Variants in PXDNL observed in about 807,000 individuals in gnomAD.
PXDNL encodes the protein probable oxidoreductase PXDNL.
In PXDNL, 145 loss-of-function variants were observed where a neutral mutation model predicts 150.8. The observed-to-expected ratio is 0.96, with a 90% CI of 0.84 to 1.10. The LOEUF (loss-of-function observed/expected upper bound fraction) is 1.10. Ranked by LOEUF, PXDNL falls within the 50% of genes least tolerant of loss-of-function variation. The probability of loss-of-function intolerance (pLI) is 0.00; values close to 1 mark genes in which losing one functional copy is unlikely to be tolerated. For synonymous variants in PXDNL, 757 were observed against 725.7 expected (o/e 1.04, Z -0.69); for missense variants, 2,087 against 1,873.9 (o/e 1.11, Z -2.10).
chr8:51,366,903 C>A (rs1186363432), intron 19 of PXDNL, among the ~76,000 whole-genome samples: 2 of 151,864 alleles, frequency 1.3e-5, no homozygotes, highest in Non-Finnish European at 2.9e-5. Flanking sequence ...GAGTTCAAGA[C>A]CATCCTGGTC....
At chr8:51,693,669 C>T (rs1816050938) in intron 1 of PXDNL, among the ~76,000 whole-genome samples, 1 of 152,096 alleles carries the variant, frequency 6.6e-6, no homozygotes, top group African/African-American at 2.4e-5. Context: ...ACTTGGGAGG[C>T]TGAGGTGAAA....
intron 1 of PXDNL, among the ~76,000 whole-genome samples, chr8:51,716,574 T>C (rs1290451897): frequency 6.6e-6 from 1 of 152,246 alleles, no homozygotes; most frequent in Non-Finnish European, 1.5e-5. Context: ...CTGTGAGTGA[T>C]AAAAGACATT....
chr8:51,328,266 C>T (rs1805580205), intron 21 of PXDNL, among the ~76,000 whole-genome samples: 1 of 152,214 alleles, frequency 6.6e-6, no homozygotes, highest in Non-Finnish European at 1.5e-5. Flanking sequence ...ATACACATAT[C>T]AGATGGACAG....
At chr8:51,601,604 G>C (rs1322881636) in intron 2 of PXDNL, among the ~76,000 whole-genome samples, 2 of 151,920 alleles carry the variant, frequency 1.3e-5, no homozygotes, top group Non-Finnish European at 2.9e-5. Context: ...GAGCCTATCG[G>C]TGTCATCATG....
At chr8:51,772,235 T>G (rs546085894) in intron 1 of PXDNL, among the ~76,000 whole-genome samples, 1 of 107,178 alleles carries the variant, frequency 9.3e-6, no homozygotes, top group Non-Finnish European at 2.0e-5. Flanking sequence ...TCTCTCTCTA[T>G]ATACACACAC....
chr8:51,628,865 A>T (rs961242872), intron 2 of PXDNL, among the ~76,000 whole-genome samples: 2 of 152,136 alleles, frequency 1.3e-5, no homozygotes, highest in African/African-American at 2.4e-5. Flanking sequence ...AACAGCAAAC[A>T]GCTACAGACC....
intron 18 of PXDNL, among the ~76,000 whole-genome samples, chr8:51,372,446 A>G: frequency 6.6e-6 from 1 of 152,176 alleles, no homozygotes; most frequent in African/African-American, 2.4e-5. Context: ...GTGCAGTGGC[A>G]TGATCTCAGC....
chr8:51,678,005 A>G (rs1169781704), intron 1 of PXDNL, among the ~76,000 whole-genome samples: 1 of 152,204 alleles, frequency 6.6e-6, no homozygotes, highest in Non-Finnish European at 1.5e-5. Flanking sequence ...GCTTAAAATC[A>G]CATAACTAAG....
intron 21 of PXDNL, among the ~76,000 whole-genome samples, chr8:51,328,323 T>C (rs1326910793): frequency 3.9e-5 from 6 of 152,256 alleles, no homozygotes; most frequent in African/African-American, 7.2e-5. Context: ...CTCTGACTAA[T>C]GCAAACTCTT....
chr8:51,705,230 C>T (rs1816352739), intron 1 of PXDNL, among the ~76,000 whole-genome samples: 1 of 152,122 alleles, frequency 6.6e-6, no homozygotes, highest in African/African-American at 2.4e-5. Context: ...GACCTCTGCC[C>T]CAGGACTCAG....
intron 4 of PXDNL, among the ~76,000 whole-genome samples, chr8:51,541,064 C>T (rs931890390): frequency 6.6e-5 from 10 of 151,824 alleles, no homozygotes; most frequent in African/African-American, 2.4e-4. Flanking sequence ...TCGAGACCAG[C>T]CTGACCAACA....
rs557887274 is a variant in PXDNL, at chr8:51,411,053, A to T, written c.2062+197T>A. ...TAACTTAAAAGTTGAGACAAGTTTGAATATATATTTATCATCCTTACTTTG... is the reference window on the plus strand; with the variant it reads ...TAACTTAAAAGTTGAGACAAGTTTGTATATATATTTATCATCCTTACTTTG... On this transcript the variant is annotated intron_variant, in intron 16 of 22. Coordinates refer to ENST00000356297, the MANE Select transcript of PXDNL (RefSeq NM_144651.5). 2.0e-5 allele frequency among the ~76,000 whole-genome samples: 3 copies of T among 152,356 alleles called. No individual in the cohort carries two copies. In the East Asian group the frequency reaches 5.8e-4, roughly 29 times the overall value.
chr8:51,558,979 T>C lies in PXDNL; in HGVS notation c.309-2068A>G, dbSNP rs971951571. Reference sequence around the variant, plus strand: ...ATGAGTTCTGGGCTGGGGTTTTTAATGGATTAGTAGAGGGAAAGAGGTTAG... The same window carrying C: ...ATGAGTTCTGGGCTGGGGTTTTTAACGGATTAGTAGAGGGAAAGAGGTTAG... On this transcript the variant is annotated intron_variant, in intron 3 of 22. Transcript: ENST00000356297. Among the ~76,000 whole-genome samples the C allele has an allele frequency of 2.6e-5, 4 of 151,990 alleles. No individual in the cohort carries two copies. The Middle Eastern group carries it at 0.01, about 388-fold the overall frequency.
chr8:51,370,704 C>A (rs1222621817), intron 19 of PXDNL, among the ~76,000 whole-genome samples: 1 of 152,202 alleles, frequency 6.6e-6, no homozygotes, highest in Non-Finnish European at 1.5e-5. Flanking sequence ...TCAAGCGATT[C>A]TCTTGCCTTA....
At chr8:51,579,131 C>T (rs1813152233) in intron 3 of PXDNL, among the ~76,000 whole-genome samples, 1 of 151,964 alleles carries the variant, frequency 6.6e-6, no homozygotes, top group Non-Finnish European at 1.5e-5. Flanking sequence ...AATGAAAACA[C>T]CTGCTCTTCA....
At chr8:51,623,639 C>T (rs555409446) in intron 2 of PXDNL, among the ~76,000 whole-genome samples, 1 of 152,358 alleles carries the variant, frequency 6.6e-6, no homozygotes, top group Non-Finnish European at 1.5e-5. Context: ...CGTGGGCACG[C>T]CTCTGGCTCC....
chr8:51,417,214 G>A (rs1034674346), intron 14 of PXDNL, among the ~76,000 whole-genome samples: 2 of 152,088 alleles, frequency 1.3e-5, no homozygotes, highest in Admixed American at 1.3e-4. Flanking sequence ...AATTTTACAG[G>A]AGTAGAGGGA....
At chr8:51,437,872 C>G (rs1211591387) in intron 12 of PXDNL, among the ~76,000 whole-genome samples, 3 of 152,170 alleles carry the variant, frequency 2.0e-5, no homozygotes, top group Non-Finnish European at 4.4e-5. Flanking sequence ...ATCAAACTCA[C>G]TGTTTGCTGA....
chr8:51,390,911 A>G (rs1332710264), intron 17 of PXDNL, among the ~76,000 whole-genome samples: 1 of 151,718 alleles, frequency 6.6e-6, no homozygotes, highest in Non-Finnish European at 1.5e-5. Context: ...CGACCCCACA[A>G]CAGTCCCCAG....
Sources: allele counts gnomAD v4.1 joint callset (sites outside exome capture counted in the v4.1 genomes callset), GRCh38; gene constraint gnomAD v4.1.1; transcripts MANE v1.5; gene names NCBI Gene and HGNC (gene_info 2026-07-23, HGNC 2026-07-21).